COL24A1: variants seen among roughly 807,000 people sequenced by gnomAD.
The protein encoded by COL24A1 is collagen alpha-1(XXIV) chain.
A neutral mutation model predicts 253.9 loss-of-function variants in COL24A1; 224 were observed. The observed-to-expected ratio is 0.88, with a 90% CI of 0.79 to 0.99. COL24A1 has a LOEUF of 0.99. COL24A1 is among the 50% of genes least tolerant of loss of function. COL24A1 has a pLI of 0.00. For missense variants in COL24A1, 2,131 were observed against 2,068.5 expected, an observed-to-expected ratio of 1.03 and a Z score of -0.59; for synonymous variants, 685 against 673.7, an observed-to-expected ratio of 1.02 and a Z score of -0.26.
chr1:85,784,367 C>T lies in COL24A1; in HGVS notation c.4060-1G>A. ...GTTGACCAGGTAGCCCTTGTTCACC[C>T]TATGGGTAGAACAAAGAAAAGCGAT... On this transcript the variant is annotated splice_acceptor_variant, in intron 48 of 59. Transcript: ENST00000370571. LOFTEE classifies it high-confidence loss of function. 6.2e-7 allele frequency: 1 copy of T among 1,610,402 alleles called. No homozygotes were observed. Among genetic ancestry groups the T allele is most frequent in the Non-Finnish European group, 8.5e-7 (1 of 1,176,892 alleles).
At chr1:86,131,962 G>A (rs954538522) in intron 2 of COL24A1, among the ~76,000 whole-genome samples, 3 of 152,138 alleles carry the variant, frequency 2.0e-5, no homozygotes, top group Non-Finnish European at 4.4e-5. Flanking sequence ...TGTTGAACTA[G>A]TTTACAGTCC....
intron 22 of COL24A1, among the ~76,000 whole-genome samples, chr1:85,966,958 C>T (rs1480937874): frequency 6.6e-6 from 1 of 152,136 alleles, no homozygotes; most frequent in South Asian, 2.1e-4. Context: ...AGAAGAATAA[C>T]AGCAGCTTTA....
chr1:86,074,090 A>G (rs1010181883), intron 7 of COL24A1, among the ~76,000 whole-genome samples: 1 of 152,238 alleles, frequency 6.6e-6, no homozygotes, highest in African/African-American at 2.4e-5. Context: ...TCATAATGAC[A>G]GGATCAAATT....
intron 14 of COL24A1, among the ~76,000 whole-genome samples, chr1:86,030,750 CT>C (rs10708970): frequency 0.33 from 47,329 of 142,790 alleles, 7,996 homozygotes; most frequent in African/African-American, 0.43. Flanking sequence ...TTTTTTCTTT[CT>C]TTTTTTTTTT....
At chr1:86,144,916 A>AAG (rs1411108553) in intron 2 of COL24A1, among the ~76,000 whole-genome samples, 3 of 152,136 alleles carry the variant, frequency 2.0e-5, no homozygotes, top group African/African-American at 4.8e-5. Flanking sequence ...ACAATAAATT[A>AAG]AGAGAGAGAG....
chr1:86,110,513 G>A (rs1451739697), intron 5 of COL24A1, among the ~76,000 whole-genome samples: 1 of 151,972 alleles, frequency 6.6e-6, no homozygotes, highest in African/African-American at 2.4e-5. Context: ...TCTCCGTGCT[G>A]GCCCAGGAGG....
chr1:86,038,673 A>G (rs1387263327), intron 12 of COL24A1, among the ~76,000 whole-genome samples: 1 of 152,174 alleles, frequency 6.6e-6, no homozygotes, highest in Non-Finnish European at 1.5e-5. Context: ...TCATAAAGAT[A>G]CTACAGCTAT....
At chr1:85,915,688 G>T (rs12567016) in intron 24 of COL24A1, among the ~76,000 whole-genome samples, 17,753 of 152,112 alleles carry the variant, frequency 0.12, 1,150 homozygotes, top group South Asian at 0.23. Flanking sequence ...TCGCTGTGTC[G>T]CCTGGGCTGG....
intron 30 of COL24A1, 35 bp downstream of exon 30, chr1:85,895,986 T>C (rs1455090330): frequency 6.3e-7 from 1 of 1,599,928 alleles, no homozygotes; most frequent in East Asian, 2.2e-5. Context: ...AGACTTAAAA[T>C]GTTCATCTTT....
intron 43 of COL24A1, among the ~76,000 whole-genome samples, chr1:85,831,354 G>A (rs922311209): frequency 6.6e-6 from 1 of 151,992 alleles, no homozygotes; most frequent in Non-Finnish European, 1.5e-5. Context: ...GCCCAATTAT[G>A]GCTTTTCCAC....
At chr1:86,120,494 C>T (rs1273427146) in intron 3 of COL24A1, among the ~76,000 whole-genome samples, 1 of 152,208 alleles carries the variant, frequency 6.6e-6, no homozygotes, top group South Asian at 2.1e-4. Flanking sequence ...TATGAACAGA[C>T]ACTTCTCAAA....
chr1:86,005,988 C>T (rs759623040), intron 19 of COL24A1, among the ~76,000 whole-genome samples: 1 of 151,928 alleles, frequency 6.6e-6, no homozygotes, highest in Admixed American at 6.6e-5. Context: ...TTATTAGCAC[C>T]AACTAATACT....
intron 53 of COL24A1, 133 bp from the exon 54 acceptor site, chr1:85,761,699 A>G: frequency 2.5e-6 from 2 of 807,752 alleles, no homozygotes; most frequent in South Asian, 3.2e-5. Context: ...TTGTTTTAGT[A>G]TTCTAAAGTT....
chr1:85,784,287 C>A lies in COL24A1; in HGVS notation c.4139G>T (p.Cys1380Phe). The stretch of plus-strand genomic sequence containing the variant: ...CTGCCCTTTCAGGCCAGGGTCTCCA[C>A]ATGGTCCTTGATCACCTTGTGCTCC... ...HRGAQGDQGP[C>F]GDPGLKGQPG... The change falls in exon 49 of 60, where the codon TGT (cysteine) becomes TTT (phenylalanine). Residue 1380 changes from cysteine (C) to phenylalanine (F), a missense_variant. By Grantham distance (205) the Cys-to-Phe change is radical. Coordinates refer to ENST00000370571, the MANE Select transcript of COL24A1 (RefSeq NM_152890.7). 1 of 1,614,086 alleles carries A rather than the reference C, an allele frequency of 6.2e-7. No homozygotes were observed. Among genetic ancestry groups the A allele is most frequent in the Middle Eastern group, 1.7e-4 (1 of 6,058 alleles).
At chr1:85,898,436 T>G (rs1425318682) in intron 28 of COL24A1, among the ~76,000 whole-genome samples, 2 of 152,214 alleles carry the variant, frequency 1.3e-5, no homozygotes, top group Non-Finnish European at 2.9e-5. Flanking sequence ...GTAGCTCCAC[T>G]GATCCTGATA....
intron 24 of COL24A1, among the ~76,000 whole-genome samples, chr1:85,916,299 GCATCT>G (rs1169580023): frequency 1.3e-5 from 2 of 152,084 alleles, no homozygotes; most frequent in Non-Finnish European, 2.9e-5. Flanking sequence ...TCCCAATAGG[GCATCT>G]GAGTTTTTTA....
chr1:86,088,332 G>A (rs1703228852), intron 7 of COL24A1, among the ~76,000 whole-genome samples: 1 of 152,092 alleles, frequency 6.6e-6, no homozygotes, highest in African/African-American at 2.4e-5. Context: ...CAACAACACA[G>A]CTCATTATTA....
chr1:86,139,766 T>C (rs1650813588), intron 2 of COL24A1, among the ~76,000 whole-genome samples: 1 of 152,144 alleles, frequency 6.6e-6, no homozygotes, highest in African/African-American at 2.4e-5. Flanking sequence ...AGAACAAATA[T>C]GACTGTTTAA....
intron 38 of COL24A1, among the ~76,000 whole-genome samples, chr1:85,849,120 A>G (rs1677477138): frequency 6.6e-6 from 1 of 152,182 alleles, no homozygotes; most frequent in Admixed American, 6.5e-5. Flanking sequence ...AAGAAGGAAA[A>G]GCCAAGATTT....
Sources: gnomAD v4.1 joint callset for allele counts (sites outside exome capture counted in the v4.1 genomes callset) on GRCh38, gnomAD v4.1.1 for gene constraint, MANE v1.5 for transcripts, NCBI Gene and HGNC (gene_info 2026-07-23, HGNC 2026-07-21) for gene names.